Variants in ERBB4 observed in about 807,000 individuals in gnomAD.
ERBB4 encodes receptor tyrosine-protein kinase erbB-4.
ERBB4 carries 42 observed loss-of-function variants against 158.0 expected under a neutral mutation model. That is an observed-to-expected ratio of 0.27 (90% CI 0.21 to 0.34). The LOEUF is 0.34. Ranked by LOEUF, ERBB4 falls within the 10% of genes least tolerant of loss-of-function variation. The pLI, the probability that ERBB4 is intolerant of heterozygous loss-of-function variation, is 1.00. For synonymous variants in ERBB4, 583 were observed against 558.7 expected (o/e 1.04, Z -0.61); for missense variants, 1,333 against 1,624.1 (o/e 0.82, Z 3.08).
At chr2:212,238,885 C>T (rs1042699941) in intron 1 of ERBB4, among the ~76,000 whole-genome samples, 4 of 151,576 alleles carry the variant, frequency 2.6e-5, no homozygotes, top group African/African-American at 7.3e-5. Flanking sequence ...ATGTAATATT[C>T]GGGTCTTATG....
At chr2:211,522,081 T>C (rs186559356) in intron 20 of ERBB4, among the ~76,000 whole-genome samples, 1 of 152,170 alleles carries the variant, frequency 6.6e-6, no homozygotes, top group Non-Finnish European at 1.5e-5. Context: ...AGTCTTATTA[T>C]TTAAGAAATG....
At chr2:212,074,542 T>A (rs1027862366) in intron 2 of ERBB4, among the ~76,000 whole-genome samples, 1 of 151,992 alleles carries the variant, frequency 6.6e-6, no homozygotes, top group Non-Finnish European at 1.5e-5. Flanking sequence ...AAAAATATAA[T>A]ACTTCTACAG....
intron 3 of ERBB4, among the ~76,000 whole-genome samples, chr2:211,790,142 A>G (rs1385925027): frequency 6.6e-6 from 1 of 152,092 alleles, no homozygotes; most frequent in Non-Finnish European, 1.5e-5. Context: ...AATGTTTGGC[A>G]TTAAGTTTTT....
chr2:212,333,522 A>C (rs1051139761), intron 1 of ERBB4, among the ~76,000 whole-genome samples: 1 of 145,348 alleles, frequency 6.9e-6, no homozygotes, highest in Non-Finnish European at 1.5e-5. Flanking sequence ...CTACAGAAAA[A>C]ATACGAAAAA....
intron 2 of ERBB4, among the ~76,000 whole-genome samples, chr2:212,121,696 C>T (rs1407579383): frequency 1.3e-5 from 2 of 151,980 alleles, no homozygotes; most frequent in East Asian, 1.9e-4. Flanking sequence ...TTCATCAACA[C>T]TATACTATAG....
intron 12 of ERBB4, among the ~76,000 whole-genome samples, chr2:211,680,115 A>C (rs1289329386): frequency 1.3e-5 from 2 of 152,234 alleles, no homozygotes; most frequent in Non-Finnish European, 2.9e-5. Context: ...AGAAGTGTAG[A>C]GATTAAAGCA....
chr2:211,792,404 G>T (rs1398338423), intron 3 of ERBB4, among the ~76,000 whole-genome samples: 3 of 151,510 alleles, frequency 2.0e-5, no homozygotes, highest in Non-Finnish European at 4.4e-5. Context: ...TAATTCTGTG[G>T]TTAGAGAAAG....
chr2:212,363,921 A>G (rs2106368029), intron 1 of ERBB4, among the ~76,000 whole-genome samples: 1 of 151,820 alleles, frequency 6.6e-6, no homozygotes, highest in South Asian at 2.1e-4. Flanking sequence ...TAATGGAAAG[A>G]GGATCAAGGA....
intron 19 of ERBB4, among the ~76,000 whole-genome samples, chr2:211,607,026 C>T (rs2069007383): frequency 6.6e-6 from 1 of 152,038 alleles, no homozygotes; most frequent in Admixed American, 6.6e-5. Context: ...TATTTGTACG[C>T]ATTATACTAG....
intron 1 of ERBB4, among the ~76,000 whole-genome samples, chr2:212,401,577 AAAAT>A (rs1210193826): frequency 9.2e-5 from 14 of 152,296 alleles, no homozygotes. Flanking sequence ...AACATACACC[AAAAT>A]AAATAAATGA....
chr2:211,865,016 TA>T (rs1013890088), intron 3 of ERBB4, among the ~76,000 whole-genome samples: 2 of 151,806 alleles, frequency 1.3e-5, no homozygotes, highest in African/African-American at 4.8e-5. Context: ...GTCTAAAAAA[TA>T]AAAAATAAAT....
chr2:211,732,272 A>G (rs1025741702), intron 5 of ERBB4, among the ~76,000 whole-genome samples: 2 of 152,126 alleles, frequency 1.3e-5, no homozygotes, highest in African/African-American at 4.8e-5. Flanking sequence ...ACAGGAAAAT[A>G]ATTTTGCACT....
intron 17 of ERBB4, among the ~76,000 whole-genome samples, chr2:211,627,661 T>C (rs1404770867): frequency 1.3e-5 from 2 of 152,178 alleles, no homozygotes; most frequent in Admixed American, 6.5e-5. Context: ...AGAAGTGAAA[T>C]TGTCAGACTG....
chr2:211,664,327 A>ATGTGTGTGTGTG (rs113835907), intron 15 of ERBB4, among the ~76,000 whole-genome samples: 244 of 148,944 alleles, frequency 1.6e-3, no homozygotes, highest in African/African-American at 5.7e-3. Context: ...TCAACTACAA[A>ATGTGTGTGTGTG]TGTGTGTGTG....
rs180749749 is a variant in ERBB4 at position 212,476,921 on chromosome 2, A to T, written c.82+61528T>A. On this transcript the variant is annotated intron_variant, in intron 1 of 27. Coordinates refer to ENST00000342788, the MANE Select transcript of ERBB4 (RefSeq NM_005235.3). ...GTCTATATAGAATTATGAAGATCTTATTAACTATTTTTAGCTTCTGTTCTT... is the reference window on the plus strand; with the variant it reads ...GTCTATATAGAATTATGAAGATCTTTTTAACTATTTTTAGCTTCTGTTCTT... Among the ~76,000 whole-genome samples the T allele has an allele frequency of 5.5e-4, 84 of 152,244 alleles. 2 individuals are homozygous for T. Among genetic ancestry groups the T allele is most frequent in the Non-Finnish European group, 6.9e-4 (47 of 67,978 alleles).
At chr2:212,326,421 A>G (rs1473516161) in intron 1 of ERBB4, among the ~76,000 whole-genome samples, 1 of 150,710 alleles carries the variant, frequency 6.6e-6, no homozygotes, top group Non-Finnish European at 1.5e-5. Context: ...TTTAAATAAA[A>G]GTTTATTTTT....
intron 10 of ERBB4, 111 bp downstream of exon 10, chr2:211,705,207 C>G (rs1031870149): frequency 1.3e-5 from 10 of 784,218 alleles, no homozygotes; most frequent in African/African-American, 1.0e-4. Flanking sequence ...CCGCCTCAAC[C>G]TCCCTAAGTG....
At chr2:212,435,625 G>C (rs1194574265) in intron 1 of ERBB4, among the ~76,000 whole-genome samples, 1 of 151,832 alleles carries the variant, frequency 6.6e-6, no homozygotes, top group African/African-American at 2.4e-5. Flanking sequence ...CATTAATAAA[G>C]CCAATGATAA....
chr2:212,060,010 A>G (rs767507701), intron 2 of ERBB4, among the ~76,000 whole-genome samples: 45 of 152,242 alleles, frequency 3.0e-4, no homozygotes, highest in Non-Finnish European at 6.3e-4. Context: ...CAGGCAAACT[A>G]CAGAATGGGA....
Sources: allele counts gnomAD v4.1 joint callset (sites outside exome capture counted in the v4.1 genomes callset), GRCh38; gene constraint gnomAD v4.1.1; transcripts MANE v1.5; gene names NCBI Gene and HGNC (gene_info 2026-07-23, HGNC 2026-07-21).